OTX2: variants seen among roughly 807,000 people sequenced by gnomAD.
OTX2 encodes the protein homeobox protein OTX2.
In OTX2, 4 loss-of-function variants were observed where a neutral mutation model predicts 29.0. The observed-to-expected ratio is 0.14, with a 90% CI of 0.07 to 0.32. The LOEUF (loss-of-function observed/expected upper bound fraction) is 0.32, where lower values mean the gene tolerates loss of function less well. OTX2 is among the 10% of genes least tolerant of loss of function. OTX2 has a pLI of 1.00. For synonymous variants in OTX2, 134 were observed against 141.0 expected, an observed-to-expected ratio of 0.95 and a Z score of 0.35; for missense variants, 298 against 365.9, an observed-to-expected ratio of 0.81 and a Z score of 1.51.
Position 56,801,884 on chromosome 14 carries a change from G to C in OTX2, c.745C>G (p.Gln249Glu). 1 of 1,614,174 alleles carries C rather than the reference G, an allele frequency of 6.2e-7. No individual in the cohort carries two copies. Among genetic ancestry groups the C allele is most frequent in the Non-Finnish European group, 8.5e-7 (1 of 1,180,048 alleles). Residue 249 changes from glutamine to glutamate, a missense_variant, in exon 5 of 5, where the codon CAG (glutamine) becomes GAG (glutamate). This residue lies in a region of OTX2 where 219 missense variants were observed against 223.5 expected (regional missense o/e 0.98). Coordinates refer to ENST00000672264, the MANE Select transcript of OTX2 (RefSeq NM_021728.4). This position sits in a 1 kb window ranked among gnomAD's most constrained non-coding sequence, Gnocchi z 4.2. ...CCCAAGCTTGAAGCTCCATATCCCT[G>C]GGTGGAAAGAGAAGCTGGGGACTGA... is the stretch of plus-strand genomic sequence containing the variant. ...LNQSPASLST[Q>E]GYGASSLGFN...
intron 4 of OTX2, among the ~76,000 whole-genome samples, chr14:56,803,515 A>G (rs1328332557): frequency 6.6e-6 from 1 of 152,218 alleles, no homozygotes; most frequent in Non-Finnish European, 1.5e-5. Context: ...TATGTGCTAA[A>G]CACTTTGCAG....
At chr14:56,808,401 G>A (rs1892162928) in intron 2 of OTX2, among the ~76,000 whole-genome samples, 1 of 152,142 alleles carries the variant, frequency 6.6e-6, no homozygotes, top group Non-Finnish European at 1.5e-5. Context: ...AAGGAGACGT[G>A]TGGGCACCGC....
intron 2 of OTX2, among the ~76,000 whole-genome samples, chr14:56,808,540 T>G (rs1196448722): frequency 2.0e-5 from 3 of 152,076 alleles, no homozygotes; most frequent in Admixed American, 1.3e-4. Context: ...GCCTTGACTA[T>G]TAATTATCGT....
Position 56,802,317 on chromosome 14 carries a change from T to C in OTX2, c.312A>G (p.Gln104=). The C allele has an allele frequency of 5.0e-6, 8 of 1,614,212 alleles. No homozygotes were observed. The highest frequency in any genetic ancestry group is 1.7e-5 in the Admixed American group (1 of 60,032). The change falls in exon 5 of 5, where the codon CAA becomes CAG. Residue 104 remains glutamine, a synonymous_variant. Transcript: ENST00000672264. This position sits in a 1 kb window ranked among gnomAD's most constrained non-coding sequence, Gnocchi z 4.4. ...FKNRRAKCRQ[Q]QQQQQNGGQN... ...GACCTCCATTCTGCTGTTGTTGCTG[T>C]TGTTGGCGGCACTTAGCTCTTCGAT...
Position 56,805,548 on chromosome 14 carries a change from C to G in OTX2, c.-92G>C, listed in dbSNP as rs566671671. On this transcript the variant is annotated 5_prime_UTR_variant, in exon 3 of 5. Transcript: ENST00000672264. ...GCCCGGGGTGGACAGGTTCAGAGTC[C>G]TTGGTGGGTGGGTTTGGAGCAGTGG... 5 of 786,274 alleles carry G rather than the reference C, an allele frequency of 6.4e-6. No homozygotes were observed. Among genetic ancestry groups the G allele is most frequent in the Non-Finnish European group, 1.1e-5 (5 of 448,940 alleles). The allele number at this position is 786,274 out of a possible 1,614,324, so 48.7% of individuals were successfully genotyped here. A position where few individuals can be genotyped will look rare whatever the true frequency, so the allele number is the denominator to read the frequency against.
At chr14:56,805,197 C>T (rs555323300) in intron 3 of OTX2, among the ~76,000 whole-genome samples, 163 bp downstream of exon 3, 1 of 152,300 alleles carries the variant, frequency 6.6e-6, no homozygotes, top group South Asian at 2.1e-4. Flanking sequence ...AGTAAATGCC[C>T]TGGGACTGCT....
At position 56,804,675 on chromosome 14, in the gene OTX2, C is replaced by T. The variant is rs1892015742; in HGVS notation, c.98-312G>A. Among the ~76,000 whole-genome samples the T allele has an allele frequency of 6.6e-6, 1 of 152,192 alleles. No individual in the cohort carries two copies. Among genetic ancestry groups the T allele is most frequent in the African/African-American group, 2.4e-5 (1 of 41,452 alleles). On this transcript the variant is annotated intron_variant, in intron 3 of 4. Transcript: ENST00000672264. This position sits in a 1 kb window ranked among gnomAD's most constrained non-coding sequence, Gnocchi z 4.1. Reference sequence around the variant, plus strand: ...ACCCCCAAACCACAACACAAAAAGGCTATTCCAAGAAGTCAAAGGATCTCC... The same window carrying T: ...ACCCCCAAACCACAACACAAAAAGGTTATTCCAAGAAGTCAAAGGATCTCC...
At chr14:56,809,412 T>G (rs1185552272) in intron 2 of OTX2, among the ~76,000 whole-genome samples, 1 of 151,594 alleles carries the variant, frequency 6.6e-6, no homozygotes, top group African/African-American at 2.4e-5. Context: ...TGGGGGGTGG[T>G]GGATATTTAA....
chr14:56,804,332 G>C lies in OTX2; in HGVS notation c.129C>G (p.Pro43=). The C allele has an allele frequency of 6.2e-7, 1 of 1,613,982 alleles. No individual in the cohort carries two copies. Among genetic ancestry groups the C allele is most frequent in the Non-Finnish European group, 8.5e-7 (1 of 1,180,022 alleles). ...GPWASCPAAT[P]RKQRRERTTF... is the part of the protein sequence containing the mutation. Reference sequence around the variant, plus strand: ...TCGTCCTCTCCCGGCGCTGTTTCCGGGGGGTGGCTGCGGGACAAGAAGCCC... The same window carrying C: ...TCGTCCTCTCCCGGCGCTGTTTCCGCGGGGTGGCTGCGGGACAAGAAGCCC... The change falls in exon 4 of 5, where the codon CCC becomes CCG. Residue 43 remains proline (P), a synonymous_variant. Coordinates refer to ENST00000672264, the MANE Select transcript of OTX2 (RefSeq NM_021728.4). This position sits in a 1 kb window ranked among gnomAD's most constrained non-coding sequence, Gnocchi z 4.1.
chr14:56,805,169 C>T (rs1004267219), intron 3 of OTX2, among the ~76,000 whole-genome samples, 191 bp downstream of exon 3: 1 of 152,208 alleles, frequency 6.6e-6, no homozygotes, highest in South Asian at 2.1e-4. Flanking sequence ...TTTCCCAACC[C>T]CTGTTCTCTG....
At chr14:56,803,452 C>T (rs1057141396) in intron 4 of OTX2, among the ~76,000 whole-genome samples, 2 of 152,190 alleles carry the variant, frequency 1.3e-5, no homozygotes, top group African/African-American at 4.8e-5. Flanking sequence ...TGATGTCTGT[C>T]GCTTTCATAA....
At chr14:56,805,259 G>C (rs1422169755) in intron 3 of OTX2, 101 bp downstream of exon 3, 2 of 801,254 alleles carry the variant, frequency 2.5e-6, no homozygotes, top group Non-Finnish European at 4.3e-6. Flanking sequence ...GGTGGGGACA[G>C]TGTGACTGCC....
chr14:56,807,962 T>G (rs1892146428), intron 2 of OTX2, among the ~76,000 whole-genome samples: 1 of 151,724 alleles, frequency 6.6e-6, no homozygotes, highest in African/African-American at 2.4e-5. Flanking sequence ...GGTCCCGCGT[T>G]CCTGCCCGGC....
At position 56,802,905 on chromosome 14, in the gene OTX2, G is replaced by A. The variant is rs1201061617; in HGVS notation, c.274-550C>T. 1.3e-5 allele frequency among the ~76,000 whole-genome samples: 2 copies of A among 152,128 alleles called. 1 individual carries two copies. Among genetic ancestry groups the A allele is most frequent in the South Asian group, 4.1e-4 (2 of 4,824 alleles). ...AAGACTCACAGAACAAAGCTCCAAG[G>A]GGAAGACATGATCTTGTTGAAGAAA... On this transcript the variant is annotated intron_variant, in intron 4 of 4. Coordinates refer to ENST00000672264, the MANE Select transcript of OTX2 (RefSeq NM_021728.4). This position sits in a 1 kb window ranked among gnomAD's most constrained non-coding sequence, Gnocchi z 4.4.
intron 2 of OTX2, among the ~76,000 whole-genome samples, chr14:56,806,079 CTG>C (rs1370964109): frequency 6.6e-6 from 1 of 152,178 alleles, no homozygotes; most frequent in East Asian, 1.9e-4. Context: ...TCTCCCCAGA[CTG>C]TTGCCTTTCC....
chr14:56,803,646 T>C (rs1299484406), intron 4 of OTX2, among the ~76,000 whole-genome samples: 3 of 152,152 alleles, frequency 2.0e-5, no homozygotes, highest in African/African-American at 7.2e-5. Context: ...ATGTAGATAT[T>C]TTATCTGTTA....
At chr14:56,807,970 GGCAGCCCC>G (rs537642936) in intron 2 of OTX2, among the ~76,000 whole-genome samples, 54 of 151,110 alleles carry the variant, frequency 3.6e-4, no homozygotes, top group East Asian at 1.8e-3. Flanking sequence ...GTTCCTGCCC[GGCAGCCCC>G]GCAGCCCCGC....
At chr14:56,806,801 G>C (rs954465869) in intron 2 of OTX2, 1 of 152,106 alleles carries the variant, frequency 6.6e-6, no homozygotes, top group Non-Finnish European at 1.5e-5. Flanking sequence ...TGAGCTCCCC[G>C]CCTCCACCCC....
At chr14:56,803,638 G>A (rs1891971682) in intron 4 of OTX2, among the ~76,000 whole-genome samples, 1 of 152,162 alleles carries the variant, frequency 6.6e-6, no homozygotes, top group African/African-American at 2.4e-5. Context: ...GAGACATTAT[G>A]TAGATATTTT....
Sources: gnomAD v4.1 joint callset for allele counts (sites outside exome capture counted in the v4.1 genomes callset) on GRCh38, gnomAD v4.1.1 for gene constraint, gnomAD v4.1.1 regional missense constraint, Gnocchi (gnomAD v3.1) non-coding constraint, MANE v1.5 for transcripts, NCBI Gene and HGNC (gene_info 2026-07-23, HGNC 2026-07-21) for gene names.